The following SCO1 variants were observed in gnomAD, a reference collection of about 807,000 sequenced individuals.
SCO1 encodes cytochrome c oxidase assembly factor SCO1.
Under a neutral mutation model 34.0 loss-of-function variants are expected in SCO1, and 23 were observed. The observed-to-expected ratio is 0.68, with a 90% CI of 0.49 to 0.96. The LOEUF (loss-of-function observed/expected upper bound fraction) is 0.96. SCO1 is among the 40% of genes least tolerant of loss of function. SCO1 has a pLI of 0.00. For synonymous variants in SCO1, 161 were observed against 145.5 expected, an observed-to-expected ratio of 1.11 and a Z score of -0.77; for missense variants, 404 against 381.6, an observed-to-expected ratio of 1.06 and a Z score of -0.49.
Position 10,691,943 on chromosome 17 carries a change from T to G in SCO1, c.584A>C (p.Asp195Ala), listed in dbSNP as rs1199964876. 2 of 1,613,040 alleles carry G rather than the reference T, an allele frequency of 1.2e-6. No homozygotes were observed. Among genetic ancestry groups the G allele is most frequent in the African/African-American group, 1.3e-5 (1 of 74,902 alleles). The change falls in exon 4 of 6, where the codon GAT becomes GCT. Residue 195 changes from aspartate (D) to alanine (A), a missense_variant. Coordinates refer to ENST00000255390, the MANE Select transcript of SCO1 (RefSeq NM_004589.4). ...DEIDSITTLP[D>A]LTPLFISIDP... ...AATGCTGATGAAAAGTGGAGTTAGA[T>G]CTGGCAGAGTTGTAATGCTATCTGA... is the stretch of plus-strand genomic sequence containing the variant.
chr17:10,681,072 T>G lies in SCO1; in HGVS notation c.*47A>C. 1 of 1,611,522 alleles carries G rather than the reference T, an allele frequency of 6.2e-7. No individual in the cohort carries two copies. Among genetic ancestry groups the G allele is most frequent in the Non-Finnish European group, 8.5e-7 (1 of 1,177,654 alleles). ...ATATAGGCTCCTATGCGAGACAGTT[T>G]CCTTCCTCTTAGCAAGAGAATACTG... On this transcript the variant is annotated 3_prime_UTR_variant, in exon 6 of 6. Transcript: ENST00000255390.
Position 10,673,416 on chromosome 17 carries a change from C to T in SCO1, c.*7703G>A, listed in dbSNP as rs2074560040. 1 of 152,248 alleles carries T rather than the reference C, an allele frequency of 6.6e-6. No homozygotes were observed. The highest frequency in any genetic ancestry group is 1.5e-5 in the Non-Finnish European group (1 of 68,068). 9.4% of individuals were successfully genotyped at this position (152,248 alleles called of 1,614,324 possible). On this transcript the variant is annotated 3_prime_UTR_variant, in exon 6 of 6. Coordinates refer to ENST00000255390, the MANE Select transcript of SCO1 (RefSeq NM_004589.4). ...TCCCGCACGTTCCCGACAGGGCTTT[C>T]TGAATGTACGGGGCTGAGGCTGGTA...
At chr17:10,697,187 G>A in intron 1 of SCO1, 48 bp downstream of exon 1, 1 of 1,465,860 alleles carries the variant, frequency 6.8e-7, no homozygotes, top group Non-Finnish European at 9.0e-7. Flanking sequence ...CCGCTGGGCT[G>A]GCCGACAGCC....
In SCO1 at chr17:10,677,807, G is replaced by A. The variant is rs2074591568; in HGVS notation, c.*3312C>T. On this transcript the variant is annotated 3_prime_UTR_variant, in exon 6 of 6. Transcript: ENST00000255390. Reference sequence around the variant, plus strand: ...AACCCACCCAGGTAAAGATTTGCAAGGGATATTTCACTGAAACACAGCCTT... The same window carrying A: ...AACCCACCCAGGTAAAGATTTGCAAAGGATATTTCACTGAAACACAGCCTT... 6.6e-6 allele frequency: 1 copy of A among 152,172 alleles called. No homozygotes were observed. Among genetic ancestry groups the A allele is most frequent in the South Asian group, 2.1e-4 (1 of 4,830 alleles). 9.4% of individuals were successfully genotyped at this position (152,172 alleles called of 1,614,324 possible).
In SCO1 at chr17:10,697,454, T is replaced by C. The variant is rs1183426435; in HGVS notation, c.54A>G (p.Gln18=). 3.1e-6 allele frequency: 5 copies of C among 1,613,090 alleles called. No homozygotes were observed. Among genetic ancestry groups the C allele is most frequent in the Middle Eastern group, 1.6e-4 (1 of 6,084 alleles). Reference sequence around the variant, plus strand: ...GTCCGCGAGGCAAGAAGCGCCAAAGTTGGCCACCCAGAGGCCGCATAACTC... The same window carrying C: ...GTCCGCGAGGCAAGAAGCGCCAAAGCTGGCCACCCAGAGGCCGCATAACTC... ...PGRVMRPLGG[Q]LWRFLPRGLE... is the part of the protein sequence containing the mutation. Residue 18 remains glutamine (Q), a synonymous_variant, in exon 1 of 6, where the codon CAA becomes CAG. Transcript: ENST00000255390.
chr17:10,689,368 T>A (rs544486827), intron 4 of SCO1, among the ~76,000 whole-genome samples: 27 of 152,320 alleles, frequency 1.8e-4, no homozygotes, highest in African/African-American at 6.5e-4. Flanking sequence ...TCATAAAACA[T>A]ATTTTTAAAT....
chr17:10,682,310 A>G (rs776682910), intron 5 of SCO1, among the ~76,000 whole-genome samples: 16 of 152,202 alleles, frequency 1.1e-4, no homozygotes, highest in Non-Finnish European at 2.1e-4. Context: ...ACACATTCTT[A>G]AGATAGCAAA....
chr17:10,681,428 TCTAAA>T (rs1567573042), intron 5 of SCO1, among the ~76,000 whole-genome samples, 175 bp from the exon 6 acceptor site: 1 of 152,252 alleles, frequency 6.6e-6, no homozygotes, highest in Non-Finnish European at 1.5e-5. Context: ...ACAAAAATTG[TCTAAA>T]ATCTTTTGTG....
intron 4 of SCO1, among the ~76,000 whole-genome samples, chr17:10,688,540 T>C (rs1412726203): frequency 1.3e-5 from 2 of 152,244 alleles, no homozygotes; most frequent in Non-Finnish European, 2.9e-5. Context: ...CATATACTGC[T>C]GGCAGGAATG....
rs1397829054 is a variant in SCO1 at position 10,676,431 on chromosome 17, G to A, written c.*4688C>T. 1 of 152,172 alleles carries A rather than the reference G, an allele frequency of 6.6e-6. No individual in the cohort carries two copies. The highest frequency in any genetic ancestry group is 2.4e-5 in the African/African-American group (1 of 41,424). 9.4% of individuals were successfully genotyped at this position (152,172 alleles called of 1,614,324 possible). On this transcript the variant is annotated 3_prime_UTR_variant, in exon 6 of 6. Transcript: ENST00000255390. Reference sequence around the variant, plus strand: ...TAAAGGACAAAGTTGGTCTCTTTCAGAGGCACATGCTGGGAATGGGCTGGG... The same window carrying A: ...TAAAGGACAAAGTTGGTCTCTTTCAAAGGCACATGCTGGGAATGGGCTGGG...
In SCO1 at chr17:10,697,224, T is replaced by G; in HGVS notation, c.273+11A>C. The G allele has an allele frequency of 6.5e-7, 1 of 1,542,570 alleles. No individual in the cohort carries two copies. The highest frequency in any genetic ancestry group is 8.7e-7 in the Non-Finnish European group (1 of 1,144,436). ...CGACGAGCACCAGAAGGGTTCCAGGTGTGCACTCACCCCGGGCTTCGAGGG... is the reference window on the plus strand; with the variant it reads ...CGACGAGCACCAGAAGGGTTCCAGGGGTGCACTCACCCCGGGCTTCGAGGG... On this transcript the variant is annotated intron_variant, in intron 1 of 5. Coordinates refer to ENST00000255390, the MANE Select transcript of SCO1 (RefSeq NM_004589.4).
intron 4 of SCO1, among the ~76,000 whole-genome samples, chr17:10,691,473 A>G (rs1384781977): frequency 6.6e-6 from 1 of 152,224 alleles, no homozygotes; most frequent in Non-Finnish European, 1.5e-5. Context: ...ATATGTTTGT[A>G]TTTAATTATT....
At chr17:10,689,724 A>G (rs987667524) in intron 4 of SCO1, among the ~76,000 whole-genome samples, 5 of 152,210 alleles carry the variant, frequency 3.3e-5, no homozygotes, top group African/African-American at 7.2e-5. Context: ...TAAAATTCCT[A>G]TGAAACCACA....
At chr17:10,685,737 C>G (rs200525768) in intron 5 of SCO1, among the ~76,000 whole-genome samples, 2 of 152,344 alleles carry the variant, frequency 1.3e-5, no homozygotes, top group East Asian at 3.9e-4. Context: ...TCTGATACCT[C>G]TACTGGGGAC....
Position 10,674,510 on chromosome 17 carries a change from G to A in SCO1, c.*6609C>T, listed in dbSNP as rs1262371276. On this transcript the variant is annotated 3_prime_UTR_variant, in exon 6 of 6. Transcript: ENST00000255390. ...GCCTGAGAAGCTGCATTTCTGCTAA[G>A]TACCCCAGTGGTGTGACACTGCCGG... 2.0e-5 allele frequency: 5 copies of A among 250,116 alleles called. No homozygotes were observed. The highest frequency in any genetic ancestry group is 3.9e-5 in the Non-Finnish European group (5 of 126,598). The allele number at this position is 250,116 out of a possible 1,614,324, so 15.5% of individuals were successfully genotyped here.
chr17:10,679,332 C>A lies in SCO1; in HGVS notation c.*1787G>T, dbSNP rs999062010. 1 of 152,176 alleles carries A rather than the reference C, an allele frequency of 6.6e-6. No individual in the cohort carries two copies. Among genetic ancestry groups the A allele is most frequent in the African/African-American group, 2.4e-5 (1 of 41,434 alleles). The allele number at this position is 152,176 out of a possible 1,614,324, so 9.4% of individuals were successfully genotyped here. Reference sequence around the variant, plus strand: ...TTAATTTAACTATCTCTCTAAAGACCCTATCTCCAATTACAGTCACATTCT... The same window carrying A: ...TTAATTTAACTATCTCTCTAAAGACACTATCTCCAATTACAGTCACATTCT... On this transcript the variant is annotated 3_prime_UTR_variant, in exon 6 of 6. Coordinates refer to ENST00000255390, the MANE Select transcript of SCO1 (RefSeq NM_004589.4).
intron 5 of SCO1, among the ~76,000 whole-genome samples, chr17:10,685,954 G>A (rs2074652692): frequency 1.3e-5 from 2 of 152,210 alleles, no homozygotes; most frequent in African/African-American, 2.4e-5. Flanking sequence ...CTGGCTGGGC[G>A]CAGTGGCTCA....
Position 10,692,946 on chromosome 17 carries a change from C to T in SCO1, c.380G>A (p.Arg127Gln), listed in dbSNP as rs199815831. 98 of 1,613,938 alleles carry T rather than the reference C, an allele frequency of 6.1e-5. No homozygotes were observed. Among genetic ancestry groups the T allele is most frequent in the Non-Finnish European group, 7.9e-5 (93 of 1,180,020 alleles). The change falls in exon 3 of 6, where the codon CGG (arginine) becomes CAG (glutamine). Residue 127 changes from arginine (R) to glutamine (Q), a missense_variant. Transcript: ENST00000255390. ...TAAAGGCTTGCCGATGTGTCGCTGC[C>T]GTTCCTTCTCTAACTCTTAAGGAGA... ...KEKAEKLEKE[R>Q]QRHIGKPLLG...
At position 10,686,991 on chromosome 17, in the gene SCO1, G is replaced by C. The variant is rs148024980; in HGVS notation, c.656-149C>G. The stretch of plus-strand genomic sequence containing the variant: ...ATTTCTTCACGATTCAAAGGAAAAG[G>C]AGAAGAAATTCACAAAGAACAAATG... On this transcript the variant is annotated intron_variant, in intron 4 of 5. Transcript: ENST00000255390. 86 of 668,348 alleles carry C rather than the reference G, an allele frequency of 1.3e-4. 1 individual carries two copies. Among genetic ancestry groups the C allele is most frequent in the East Asian group, 1.3e-3 (47 of 36,952 alleles). 41.4% of individuals were successfully genotyped at this position (668,348 alleles called of 1,614,324 possible).
Sources: allele counts gnomAD v4.1 joint callset (sites outside exome capture counted in the v4.1 genomes callset), GRCh38; gene constraint gnomAD v4.1.1; transcripts MANE v1.5; gene names NCBI Gene and HGNC (gene_info 2026-07-23, HGNC 2026-07-21).